Variants in MCHR2 observed in about 807,000 individuals in gnomAD.
The protein encoded by MCHR2 is melanin-concentrating hormone receptor 2.
A neutral mutation model predicts 24.8 loss-of-function variants in MCHR2; 15 were observed. That is an observed-to-expected ratio of 0.60 (90% CI 0.40 to 0.93). The LOEUF is 0.93. Ranked by LOEUF, MCHR2 falls within the 40% of genes least tolerant of loss-of-function variation. The probability of loss-of-function intolerance (pLI) is 0.00; values close to 1 mark genes in which losing one functional copy is unlikely to be tolerated. For synonymous variants in MCHR2, 151 were observed against 147.6 expected (o/e 1.02, Z -0.17); for missense variants, 386 against 408.7 (o/e 0.94, Z 0.48).
rs1775764821 is a variant in MCHR2, at chr6:99,986,184, G to A, written c.-28+7752C>T. On this transcript the variant is annotated intron_variant, in intron 1 of 5. Transcript: ENST00000281806. ...AAAGTCAAAAATCAACAGATATTGGGAAGGATGCAGAGAAAAGGAATACTT... is the reference window on the plus strand; with the variant it reads ...AAAGTCAAAAATCAACAGATATTGGAAAGGATGCAGAGAAAAGGAATACTT... Among the ~76,000 whole-genome samples, 4 of 152,072 alleles carry A rather than the reference G, an allele frequency of 2.6e-5. No homozygotes were observed. In the South Asian group the frequency reaches 8.3e-4, roughly 31 times the overall value.
chr6:99,928,592 C>T (rs1324155766), intron 5 of MCHR2, among the ~76,000 whole-genome samples: 1 of 152,152 alleles, frequency 6.6e-6, no homozygotes, highest in Non-Finnish European at 1.5e-5. Flanking sequence ...AGGAATTTAT[C>T]CATTTCTTCT....
chr6:99,993,545 C>A (rs1228020727), intron 1 of MCHR2, among the ~76,000 whole-genome samples: 2 of 152,068 alleles, frequency 1.3e-5, no homozygotes, highest in Admixed American at 1.3e-4. Flanking sequence ...TCCTCGCCTT[C>A]GCCACTTCAG....
intron 2 of MCHR2, among the ~76,000 whole-genome samples, chr6:99,950,942 C>T (rs1774953371): frequency 6.6e-6 from 1 of 152,116 alleles, no homozygotes; most frequent in Non-Finnish European, 1.5e-5. Context: ...TGCCAATTGG[C>T]TTCTGATTAG....
At position 99,924,282 on chromosome 6, in the gene MCHR2, T is replaced by C. The variant is rs189029540; in HGVS notation, c.708-3027A>G. Reference sequence around the variant, plus strand: ...ACATTTCCATTTCCAAATTTATTTATTTAGATCTTCTGTCTTTTTCTCAGT... The same window carrying C: ...ACATTTCCATTTCCAAATTTATTTACTTAGATCTTCTGTCTTTTTCTCAGT... On this transcript the variant is annotated intron_variant, in intron 5 of 5. Transcript: ENST00000281806. 3.9e-5 allele frequency among the ~76,000 whole-genome samples: 6 copies of C among 152,194 alleles called. No homozygotes were observed. The East Asian group carries it at 5.8e-4, about 15-fold the overall frequency.
At chr6:99,990,477 T>C (rs1324375107) in intron 1 of MCHR2, among the ~76,000 whole-genome samples, 2 of 152,210 alleles carry the variant, frequency 1.3e-5, no homozygotes, top group East Asian at 1.9e-4. Context: ...CAGAAGCTAG[T>C]ATTCAAGAGA....
intron 2 of MCHR2, among the ~76,000 whole-genome samples, chr6:99,952,308 T>C (rs531965652): frequency 2.0e-5 from 3 of 152,258 alleles, no homozygotes; most frequent in African/African-American, 7.2e-5. Context: ...TGTTTCTTGC[T>C]TTTAAAAAAA....
chr6:99,921,761 A>G (rs1582363096), intron 5 of MCHR2, among the ~76,000 whole-genome samples: 1 of 151,960 alleles, frequency 6.6e-6, no homozygotes, highest in African/African-American at 2.4e-5. Context: ...TCCTCACCTC[A>G]CCCTCAGGCC....
At position 99,947,942 on chromosome 6, in the gene MCHR2, T is replaced by C. The variant is rs767302181; in HGVS notation, c.212A>G (p.Tyr71Cys). 6.2e-7 allele frequency: 1 copy of C among 1,613,650 alleles called. No individual in the cohort carries two copies. Among genetic ancestry groups the C allele is most frequent in the Non-Finnish European group, 8.5e-7 (1 of 1,179,738 alleles). Residue 71 changes from tyrosine to cysteine, a missense_variant, in exon 3 of 6, where the codon TAT (tyrosine) becomes TGT (cysteine). By Grantham distance (194) the Tyr-to-Cys change is radical. Transcript: ENST00000281806. ...ATCAGCCACAGCCAGGTTGCAGATA[T>C]AGATGTCAGGGACTGTTTTTTTCCT... ...RSRKKTVPDI[Y>C]ICNLAVADLV...
At chr6:99,923,254 G>T (rs886243490) in intron 5 of MCHR2, among the ~76,000 whole-genome samples, 1 of 152,070 alleles carries the variant, frequency 6.6e-6, no homozygotes, top group African/African-American at 2.4e-5. Context: ...AAACTTTACC[G>T]AATTTGTTTA....
At chr6:99,925,928 C>T (rs1774345637) in intron 5 of MCHR2, among the ~76,000 whole-genome samples, 1 of 151,524 alleles carries the variant, frequency 6.6e-6, no homozygotes, top group Non-Finnish European at 1.5e-5. Flanking sequence ...TGGTGTGCTG[C>T]ACCCATTAAC....
intron 5 of MCHR2, among the ~76,000 whole-genome samples, chr6:99,930,564 C>T (rs1359618540): frequency 1.3e-5 from 2 of 150,122 alleles, no homozygotes; most frequent in Non-Finnish European, 3.0e-5. Context: ...CTCTAAACTT[C>T]CCTTTTGCTT....
intron 1 of MCHR2, among the ~76,000 whole-genome samples, chr6:99,988,542 T>C (rs947338801): frequency 7.2e-5 from 11 of 151,926 alleles, no homozygotes; most frequent in Non-Finnish European, 7.4e-5. Flanking sequence ...GTAGGAGGAG[T>C]GAAATTACAG....
intron 5 of MCHR2, among the ~76,000 whole-genome samples, chr6:99,928,141 A>C (rs537685750): frequency 1.3e-5 from 2 of 152,268 alleles, no homozygotes; most frequent in East Asian, 3.9e-4. Flanking sequence ...GATTACCTTT[A>C]TGGATTTGCA....
intron 5 of MCHR2, among the ~76,000 whole-genome samples, chr6:99,929,452 G>A (rs542901000): frequency 1.2e-4 from 19 of 152,026 alleles, no homozygotes; most frequent in African/African-American, 3.1e-4. Context: ...AAAGTCTCCC[G>A]TTATTATTGT....
intron 1 of MCHR2, among the ~76,000 whole-genome samples, chr6:99,989,179 G>A (rs1775821527): frequency 6.6e-6 from 1 of 152,166 alleles, no homozygotes; most frequent in Non-Finnish European, 1.5e-5. Context: ...TTGAGCCCAG[G>A]AGTTTGAGGT....
At chr6:99,981,127 CA>C (rs1239893711) in intron 1 of MCHR2, among the ~76,000 whole-genome samples, 1 of 152,152 alleles carries the variant, frequency 6.6e-6, no homozygotes, top group African/African-American at 2.4e-5. Context: ...TTCTAGCTGT[CA>C]ATCCTTTTGC....
At chr6:99,964,183 A>G (rs919358043) in intron 1 of MCHR2, among the ~76,000 whole-genome samples, 2 of 152,152 alleles carry the variant, frequency 1.3e-5, no homozygotes, top group Non-Finnish European at 2.9e-5. Flanking sequence ...AAATGGATAT[A>G]TCACTCTGGA....
Position 99,979,463 on chromosome 6 carries a change from T to C in MCHR2, c.-28+14473A>G, listed in dbSNP as rs367921154. Among the ~76,000 whole-genome samples, 758 of 152,256 alleles carry C rather than the reference T, an allele frequency of 5.0e-3. 9 individuals carry two copies. The highest frequency in any genetic ancestry group is 0.018 in the African/African-American group (737 of 41,542). ...CACTTGCAATGTGGCTTGTCTGAAT[T>C]GAGATGTGCAGTAAGTGTAAAATAT... On this transcript the variant is annotated intron_variant, in intron 1 of 5. Transcript: ENST00000281806.
intron 1 of MCHR2, among the ~76,000 whole-genome samples, chr6:99,992,842 C>A (rs568428655): frequency 6.6e-6 from 1 of 152,142 alleles, no homozygotes; most frequent in African/African-American, 2.4e-5. Context: ...TAAACATATG[C>A]CTGATCCAAA....
Sources: allele counts gnomAD v4.1 joint callset (sites outside exome capture counted in the v4.1 genomes callset), GRCh38; gene constraint gnomAD v4.1.1; transcripts MANE v1.5; gene names NCBI Gene and HGNC (gene_info 2026-07-23, HGNC 2026-07-21).